MGST1: variants seen among roughly 807,000 people sequenced by gnomAD.
The protein encoded by MGST1 is glutathione S-transferase 12.
In MGST1, 5 loss-of-function variants were observed where a neutral mutation model predicts 8.9. The ratio of observed to expected loss-of-function variants is 0.56; its 90% CI spans 0.29 to 1.19. The LOEUF is 1.19. MGST1 is among the 50% of genes most tolerant of loss of function. MGST1 has a pLI of 0.08. For missense variants in MGST1, 182 were observed against 187.4 expected, an observed-to-expected ratio of 0.97 and a Z score of 0.17; for synonymous variants, 54 against 67.8, an observed-to-expected ratio of 0.80 and a Z score of 1.00.
rs1017512961 is a variant in MGST1, at chr12:16,503,977, A to G, written n.483-85551A>G. Among the ~76,000 whole-genome samples the G allele has an allele frequency of 6.6e-6, 1 of 152,102 alleles. No individual in the cohort carries two copies. Among genetic ancestry groups the G allele is most frequent in the Non-Finnish European group, 1.5e-5 (1 of 68,022 alleles). ...GCTGCTGCCCTATGCTGCTGCTTCGATAAAAGGTGTTGTCTAACACTTCCG... is the reference window on the plus strand; with the variant it reads ...GCTGCTGCCCTATGCTGCTGCTTCGGTAAAAGGTGTTGTCTAACACTTCCG... On this transcript the variant is annotated intron_variant and non_coding_transcript_variant, in intron 4 of 4. Coordinates refer to the MGST1 transcript ENST00000538857. This position sits in a 1 kb window ranked among gnomAD's most constrained non-coding sequence, Gnocchi z 4.8.
chr12:16,482,865 T>A lies in MGST1; in HGVS notation n.482+99261T>A, dbSNP rs762893972. 5.3e-5 allele frequency among the ~76,000 whole-genome samples: 8 copies of A among 152,230 alleles called. No individual in the cohort carries two copies. The highest frequency in any genetic ancestry group is 5.2e-4 in the Admixed American group (8 of 15,286). On this transcript the variant is annotated intron_variant and non_coding_transcript_variant, in intron 4 of 4. Coordinates refer to the MGST1 transcript ENST00000538857. The surrounding 1 kb of genome is among the most constrained non-coding windows in gnomAD (Gnocchi z 4.2). ...CAATCAGGAGTCCTAGGCAGAGTAG[T>A]TTCAAGGTCTTGAACCACCAGTGCA...
intron 4 of MGST1, among the ~76,000 whole-genome samples, chr12:16,543,267 A>G (rs1941802663): frequency 1.3e-5 from 2 of 152,180 alleles, no homozygotes; most frequent in Admixed American, 1.3e-4. Context: ...AATGCTAGAC[A>G]CATACATGGA....
chr12:16,376,996 T>C (rs987505844), exon 4 of MGST1: 4 of 152,086 alleles, frequency 2.6e-5, no homozygotes, highest in African/African-American at 9.7e-5. Context: ...GCATAGAGTG[T>C]AAAGTTGAGC....
chr12:16,471,190 T>A (rs1189537188), intron 4 of MGST1, among the ~76,000 whole-genome samples: 1 of 152,148 alleles, frequency 6.6e-6, no homozygotes, highest in African/African-American at 2.4e-5. Flanking sequence ...GGAGACTGTA[T>A]TAAGGAAACA....
chr12:16,479,535 C>CTTTTTTTT (rs71054820), intron 4 of MGST1, among the ~76,000 whole-genome samples: 13 of 113,096 alleles, frequency 1.1e-4, no homozygotes, highest in African/African-American at 2.7e-4. Context: ...CGCCCGGCCT[C>CTTTTTTTT]TTTTTTTTTT....
In MGST1 at chr12:16,585,557, A is replaced by G. The variant is rs2137573639; in HGVS notation, n.483-3971A>G. Among the ~76,000 whole-genome samples the G allele has an allele frequency of 6.6e-6, 1 of 152,220 alleles. No homozygotes were observed. The highest frequency in any genetic ancestry group is 1.9e-4 in the East Asian group (1 of 5,176). On this transcript the variant is annotated intron_variant and non_coding_transcript_variant, in intron 4 of 4. Coordinates refer to the MGST1 transcript ENST00000538857. This position sits in a 1 kb window ranked among gnomAD's most constrained non-coding sequence, Gnocchi z 4.7. ...TTCATCACAATCTCCCCTTTCCTAA[A>G]TTCCTCTCACTCAGCTATCTGAGCA...
At chr12:16,415,507 G>A (rs1565449970) in intron 1 of MGST1, among the ~76,000 whole-genome samples, 2 of 152,056 alleles carry the variant, frequency 1.3e-5, no homozygotes, top group Non-Finnish European at 2.9e-5. Context: ...TACTCAACAT[G>A]GAAACAACCA....
At chr12:16,487,022 C>T (rs962948310) in intron 4 of MGST1, among the ~76,000 whole-genome samples, 2 of 152,168 alleles carry the variant, frequency 1.3e-5, no homozygotes, top group African/African-American at 4.8e-5. Flanking sequence ...GGTTAAAAAA[C>T]CTGCAGCTCA....
rs1271342402 is a variant in MGST1, at chr12:16,586,986, T to C, written n.483-2542T>C. Among the ~76,000 whole-genome samples the C allele has an allele frequency of 2.6e-5, 4 of 152,210 alleles. No individual in the cohort carries two copies. The highest frequency in any genetic ancestry group is 1.3e-4 in the Admixed American group (2 of 15,276). On this transcript the variant is annotated intron_variant and non_coding_transcript_variant, in intron 4 of 4. Transcript: ENST00000538857. The surrounding 1 kb of genome is among the most constrained non-coding windows in gnomAD (Gnocchi z 4.3). ...CATCATTCAGTAGCAGTTTATTCAT[T>C]AGAACATTCTGTACTCCTCTAAAAA...
rs10679908 is a variant in MGST1, at chr12:16,354,929, C to CTT, written c.126+562_126+563dup. On this transcript the variant is annotated intron_variant, in intron 2 of 3. Coordinates refer to ENST00000396210, the MANE Select transcript of MGST1 (RefSeq NM_020300.5). ...TTTCTACCCAGCATTATAAGAATGA[C>CTT]TTTTTTTTTTTTAAGTGCAGATGTG... Among the ~76,000 whole-genome samples, 1,209 of 146,840 alleles carry CTT rather than the reference C, an allele frequency of 8.2e-3. 16 individuals carry two copies. The highest frequency in any genetic ancestry group is 0.028 in the African/African-American group (1,135 of 40,206).
intron 4 of MGST1, among the ~76,000 whole-genome samples, chr12:16,583,253 TG>T (rs1301685935): frequency 2.0e-5 from 3 of 151,702 alleles, no homozygotes; most frequent in African/African-American, 7.3e-5. Flanking sequence ...AGATCACAAG[TG>T]GGTAAGGAGT....
At chr12:16,516,534 T>A (rs1334743957) in intron 4 of MGST1, among the ~76,000 whole-genome samples, 1 of 152,196 alleles carries the variant, frequency 6.6e-6, no homozygotes, top group Non-Finnish European at 1.5e-5. Context: ...TTTCAGACTT[T>A]CCATTCTACA....
chr12:16,578,817 C>CAAA (rs201370841), intron 4 of MGST1, among the ~76,000 whole-genome samples: 2,027 of 126,242 alleles, frequency 0.016, 49 homozygotes, highest in African/African-American at 0.065. Context: ...GATTCTGTCT[C>CAAA]AAACAACAAC....
At chr12:16,481,453 C>T (rs556310704) in intron 4 of MGST1, among the ~76,000 whole-genome samples, 1 of 152,000 alleles carries the variant, frequency 6.6e-6, no homozygotes, top group South Asian at 2.1e-4. Context: ...AAAGAGAAAA[C>T]AAAATTGAAG....
At chr12:16,498,055 C>T (rs1399199116) in intron 4 of MGST1, among the ~76,000 whole-genome samples, 2 of 152,074 alleles carry the variant, frequency 1.3e-5, no homozygotes. Context: ...TGATATGACC[C>T]ATAAAATGGG....
At chr12:16,429,506 T>A (rs1244457233) in intron 1 of MGST1, among the ~76,000 whole-genome samples, 1 of 151,856 alleles carries the variant, frequency 6.6e-6, no homozygotes, top group African/African-American at 2.4e-5. Flanking sequence ...TCCTTTTTTT[T>A]AATTACAAGC....
downstream of MGST1, among the ~76,000 whole-genome samples, chr12:16,366,656 CACACACACAT>C (rs772562302): frequency 0.23 from 12,917 of 56,588 alleles, 539 homozygotes; most frequent in East Asian, 0.51. The surrounding 1 kb of genome is among the most constrained non-coding windows in gnomAD (Gnocchi z 4.0). Context: ...CACACACACA[CACACACACAT>C]ACACACACAC....
exon 4 of MGST1, chr12:16,377,074 A>G (rs188368509): frequency 2.2e-4 from 33 of 152,184 alleles, no homozygotes; most frequent in African/African-American, 7.2e-4. Context: ...TGTTGAGCTA[A>G]TACTTTTTTT....
At chr12:16,366,376 G>A (rs1206730584), downstream of MGST1, among the ~76,000 whole-genome samples, 1 of 152,100 alleles carries the variant, frequency 6.6e-6, no homozygotes, top group Non-Finnish European at 1.5e-5. The surrounding 1 kb of genome is among the most constrained non-coding windows in gnomAD (Gnocchi z 4.0). Flanking sequence ...GGTGGATGAA[G>A]GGGAAAGCTA....
Sources: allele counts gnomAD v4.1 joint callset (sites outside exome capture counted in the v4.1 genomes callset), GRCh38; gene constraint gnomAD v4.1.1; non-coding constraint Gnocchi (gnomAD v3.1); transcripts MANE v1.5; gene names NCBI Gene and HGNC (gene_info 2026-07-23, HGNC 2026-07-21).